Variants in KIAA0825 observed in about 807,000 individuals in gnomAD.
KIAA0825 encodes KIAA0825.
A neutral mutation model predicts 147.6 loss-of-function variants in KIAA0825; 119 were observed. That is an observed-to-expected ratio of 0.81 (90% confidence interval 0.69 to 0.94). KIAA0825 has a LOEUF of 0.94. Ranked by LOEUF, KIAA0825 falls within the 40% of genes least tolerant of loss-of-function variation. The pLI is 0.00. For missense variants in KIAA0825, 1,381 were observed against 1,472.7 expected, an observed-to-expected ratio of 0.94 and a Z score of 1.02; for synonymous variants, 470 against 518.1, an observed-to-expected ratio of 0.91 and a Z score of 1.26.
chr5:94,294,187 A>G (rs920263494), intron 20 of KIAA0825, among the ~76,000 whole-genome samples: 3 of 152,090 alleles, frequency 2.0e-5, no homozygotes, highest in Non-Finnish European at 4.4e-5. Context: ...CTAGCTGGTT[A>G]TTTTGCCCAT....
chr5:94,207,434 A>G (rs1375678092), intron 20 of KIAA0825, among the ~76,000 whole-genome samples: 2 of 152,188 alleles, frequency 1.3e-5, no homozygotes, highest in South Asian at 2.1e-4. Context: ...TTGGCACTCA[A>G]ATAAAGTCAG....
At chr5:94,583,955 A>G (rs1482363301) in intron 1 of KIAA0825, among the ~76,000 whole-genome samples, 1 of 151,922 alleles carries the variant, frequency 6.6e-6, no homozygotes, top group Non-Finnish European at 1.5e-5. Flanking sequence ...GGGGCCTGTT[A>G]GAAGGAAAAC....
intron 5 of KIAA0825, among the ~76,000 whole-genome samples, chr5:94,512,322 C>T (rs778402208): frequency 5.9e-5 from 9 of 151,528 alleles, no homozygotes; most frequent in African/African-American, 1.5e-4. Flanking sequence ...ACCTGAGAAA[C>T]GACATGTTAA....
intron 2 of KIAA0825, among the ~76,000 whole-genome samples, chr5:94,565,590 C>T (rs868477551): frequency 3.9e-5 from 6 of 152,136 alleles, no homozygotes; most frequent in Middle Eastern, 3.4e-3. Context: ...GATCCACCCC[C>T]GTCAGCCTCC....
intron 20 of KIAA0825, among the ~76,000 whole-genome samples, chr5:94,349,307 T>G (rs1783374042): frequency 6.6e-6 from 1 of 152,146 alleles, no homozygotes; most frequent in Non-Finnish European, 1.5e-5. Context: ...CAATTACTAA[T>G]GGACCTAAGA....
intron 15 of KIAA0825, chr5:94,413,407 ACTGG>A (rs1157226139): frequency 6.6e-6 from 1 of 152,174 alleles, no homozygotes; most frequent in Non-Finnish European, 1.5e-5. Flanking sequence ...TGTCCACCCA[ACTGG>A]TAAGTGGATA....
intron 2 of KIAA0825, among the ~76,000 whole-genome samples, chr5:94,581,756 A>C (rs1782226759): frequency 6.6e-6 from 1 of 152,222 alleles, no homozygotes; most frequent in Admixed American, 6.5e-5. Context: ...AAAGCACTGC[A>C]TTCCCAGCAT....
intron 20 of KIAA0825, among the ~76,000 whole-genome samples, chr5:94,154,447 C>A (rs1410347080): frequency 6.6e-6 from 1 of 152,190 alleles, no homozygotes; most frequent in Admixed American, 6.5e-5. Flanking sequence ...CTAGAATTAG[C>A]AACTAATAAG....
intron 20 of KIAA0825, among the ~76,000 whole-genome samples, chr5:94,192,145 A>G (rs1209256768): frequency 1.3e-5 from 2 of 152,234 alleles, no homozygotes; most frequent in Non-Finnish European, 2.9e-5. Flanking sequence ...TATTAGTCCA[A>G]CTTCCCACGG....
At chr5:94,292,530 A>G (rs1035441307) in intron 20 of KIAA0825, among the ~76,000 whole-genome samples, 3 of 149,932 alleles carry the variant, frequency 2.0e-5, no homozygotes, top group African/African-American at 7.3e-5. Context: ...TGAGGATTTT[A>G]TTGAGGATTT....
At chr5:94,320,102 G>A (rs1780019894) in intron 20 of KIAA0825, among the ~76,000 whole-genome samples, 1 of 151,884 alleles carries the variant, frequency 6.6e-6, no homozygotes, top group Non-Finnish European at 1.5e-5. Flanking sequence ...TCTTACAGAT[G>A]TCTTCCCTGG....
intron 2 of KIAA0825, among the ~76,000 whole-genome samples, chr5:94,558,178 G>A (rs1236103698): frequency 6.6e-6 from 1 of 152,168 alleles, no homozygotes; most frequent in Non-Finnish European, 1.5e-5. Context: ...CCGTGAAGCT[G>A]AGAACCCCAG....
intron 20 of KIAA0825, among the ~76,000 whole-genome samples, chr5:94,250,863 G>A (rs977460701): frequency 6.6e-6 from 1 of 152,108 alleles, no homozygotes; most frequent in Non-Finnish European, 1.5e-5. Context: ...AAGAACGTTT[G>A]CAATTTAAAA....
At chr5:94,340,022 G>T (rs1782206112) in intron 20 of KIAA0825, among the ~76,000 whole-genome samples, 1 of 152,026 alleles carries the variant, frequency 6.6e-6, no homozygotes, top group South Asian at 2.1e-4. Flanking sequence ...TTTCCCATGT[G>T]CACTGAAAAA....
At chr5:94,393,219 A>C (rs1290578719) in intron 17 of KIAA0825, among the ~76,000 whole-genome samples, 1 of 152,252 alleles carries the variant, frequency 6.6e-6, no homozygotes, top group African/African-American at 2.4e-5. Context: ...AAAGAGGCAG[A>C]CCTTAGCCAA....
intron 20 of KIAA0825, among the ~76,000 whole-genome samples, chr5:94,261,062 G>A (rs1776468404): frequency 6.6e-6 from 1 of 152,076 alleles, no homozygotes; most frequent in South Asian, 2.1e-4. Flanking sequence ...CAGGACTTTG[G>A]AGGCTGAGGT....
At chr5:94,428,137 G>T (rs1755137788) in intron 14 of KIAA0825, among the ~76,000 whole-genome samples, 1 of 141,102 alleles carries the variant, frequency 7.1e-6, no homozygotes, top group Non-Finnish European at 1.5e-5. Context: ...AGAGGATAAG[G>T]TCTTGTTGTG....
At chr5:94,449,414 A>T (rs375392435) in intron 13 of KIAA0825, among the ~76,000 whole-genome samples, 3 of 152,318 alleles carry the variant, frequency 2.0e-5, no homozygotes, top group Middle Eastern at 3.4e-3. Flanking sequence ...GGGTGATTCT[A>T]AGAGAATTTT....
intron 20 of KIAA0825, among the ~76,000 whole-genome samples, chr5:94,167,348 T>A (rs904580580): frequency 3.3e-5 from 5 of 152,220 alleles, no homozygotes; most frequent in African/African-American, 1.2e-4. Flanking sequence ...TTGTTTAAAA[T>A]TTCTGTATAG....
Sources: gnomAD v4.1 joint callset for allele counts (sites outside exome capture counted in the v4.1 genomes callset) on GRCh38, gnomAD v4.1.1 for gene constraint, MANE v1.5 for transcripts, NCBI Gene and HGNC (gene_info 2026-07-23, HGNC 2026-07-21) for gene names.